AKNA: variants seen among roughly 807,000 people sequenced by gnomAD.
AKNA encodes AT-hook transcription factor.
AKNA carries 67 observed loss-of-function variants against 138.8 expected under a neutral mutation model. That is an observed-to-expected ratio of 0.48 (90% CI 0.40 to 0.59). The LOEUF is 0.59. Among genes scored for constraint, AKNA ranks in the 20% least tolerant of loss-of-function variants. AKNA has a pLI of 0.00. For synonymous variants in AKNA, 737 were observed against 754.4 expected (o/e 0.98, Z 0.38); for missense variants, 1,813 against 1,880.4 (o/e 0.96, Z 0.66).
At position 114,359,934 on chromosome 9, in the gene AKNA, C is replaced by T; in HGVS notation, c.2253G>A (p.Glu751=). Residue 751 remains glutamate (E), a synonymous_variant, in exon 10 of 22, where the codon GAG becomes GAA. Transcript: ENST00000374088. ...CATGGTAAACTTGCTCCATCTGCAGCTCCTTGTGCCTGAGTCGGGCCAGGG... is the reference window on the plus strand; with the variant it reads ...CATGGTAAACTTGCTCCATCTGCAGTTCCTTGTGCCTGAGTCGGGCCAGGG... ...QDPLARLRHK[E]LQMEQVYHGL... The T allele has an allele frequency of 6.2e-7, 1 of 1,614,216 alleles. No individual in the cohort carries two copies. Among genetic ancestry groups the T allele is most frequent in the Non-Finnish European group, 8.5e-7 (1 of 1,180,028 alleles).
chr9:114,352,791 C>T (rs1251152832), intron 14 of AKNA, among the ~76,000 whole-genome samples: 2 of 151,910 alleles, frequency 1.3e-5, no homozygotes, highest in Non-Finnish European at 2.9e-5. Context: ...CGTGGTGGCG[C>T]GTGCCTATAA....
At position 114,354,869 on chromosome 9, in the gene AKNA, C is replaced by CTTT. The variant is rs951126529; in HGVS notation, c.3058+1053_3058+1055dup. Among the ~76,000 whole-genome samples, 140 of 133,710 alleles carry CTTT rather than the reference C, an allele frequency of 1.0e-3. 5 individuals carry two copies. The South Asian group carries it at 0.027, about 26-fold the overall frequency. 87.7% of individuals were successfully genotyped at this position (133,710 alleles called of 152,430 possible). A position where few individuals can be genotyped will look rare whatever the true frequency, so the allele number is the denominator to read the frequency against. ...ACATAATCGTAGGTGCTATACGGTACTTTTTTTTTTTTTTTTTGAGACAGA... is the reference window on the plus strand; with the variant it reads ...ACATAATCGTAGGTGCTATACGGTACTTTTTTTTTTTTTTTTTTTTGAGACAGA... On this transcript the variant is annotated intron_variant, in intron 14 of 21. Transcript: ENST00000374088.
chr9:114,352,058 AC>A (rs1169006879), intron 14 of AKNA, among the ~76,000 whole-genome samples: 1 of 152,188 alleles, frequency 6.6e-6, no homozygotes, highest in Non-Finnish European at 1.5e-5. Context: ...ATTAGTGCTT[AC>A]CAGGGGTTAA....
intron 9 of AKNA, 29 bp downstream of exon 9, chr9:114,361,675 C>T: frequency 6.2e-7 from 1 of 1,610,082 alleles, no homozygotes; most frequent in Non-Finnish European, 8.5e-7. Context: ...CACGAGGGAA[C>T]AGCCCAATAT....
intron 21 of AKNA, among the ~76,000 whole-genome samples, chr9:114,339,780 C>G (rs191718561): frequency 1.3e-5 from 2 of 152,320 alleles, no homozygotes; most frequent in Non-Finnish European, 2.9e-5. Context: ...CTTGCTTAGA[C>G]TCAGCTGAGA....
upstream of AKNA, chr9:114,388,007 A>C: frequency 2.8e-6 from 1 of 360,654 alleles, no homozygotes; most frequent in Non-Finnish European, 6.0e-6. Context: ...CTGCTCACAG[A>C]CCAGCATCGC....
chr9:114,383,438 G>C (rs73656096), intron 1 of AKNA, among the ~76,000 whole-genome samples: 8,193 of 152,300 alleles, frequency 0.054, 741 homozygotes, highest in African/African-American at 0.19. Context: ...CCCTGCCATG[G>C]AGGGTTCAGA....
chr9:114,335,984 C>T lies in AKNA; in HGVS notation c.*1070G>A, dbSNP rs552860450. The T allele has an allele frequency of 6.6e-6, 1 of 152,258 alleles. No homozygotes were observed. Among genetic ancestry groups the T allele is most frequent in the East Asian group, 1.9e-4 (1 of 5,164 alleles). 9.4% of individuals were successfully genotyped at this position (152,258 alleles called of 1,614,324 possible). Reference sequence around the variant, plus strand: ...TTCTGAGATAGGCAAAGGGGGAAAACTGGAGAAACAGAAGCCACCAGAGGG... The same window carrying T: ...TTCTGAGATAGGCAAAGGGGGAAAATTGGAGAAACAGAAGCCACCAGAGGG... On this transcript the variant is annotated 3_prime_UTR_variant, in exon 22 of 22. Coordinates refer to ENST00000374088, the MANE Select transcript of AKNA (RefSeq NM_001317950.2).
intron 4 of AKNA, among the ~76,000 whole-genome samples, chr9:114,373,241 C>T (rs1246530255): frequency 6.6e-6 from 1 of 152,220 alleles, no homozygotes; most frequent in East Asian, 1.9e-4. Flanking sequence ...TCCTGCCTCA[C>T]TCAGAAAAGA....
At chr9:114,376,378 C>G in intron 3 of AKNA, 88 bp downstream of exon 3, 1 of 1,405,586 alleles carries the variant, frequency 7.1e-7, no homozygotes, top group Non-Finnish European at 9.9e-7. Flanking sequence ...CAGCCAGCCT[C>G]TACTCCAGGC....
At position 114,342,009 on chromosome 9, in the gene AKNA, C is replaced by T; in HGVS notation, c.3874G>A (p.Gly1292Arg). The change falls in exon 20 of 22, where the codon GGG becomes AGG. Residue 1292 changes from glycine (G) to arginine (R), a missense_variant and splice_region_variant. Physicochemically the swap from Gly to Arg is moderately radical, Grantham distance 125. Coordinates refer to ENST00000374088, the MANE Select transcript of AKNA (RefSeq NM_001317950.2). Reference sequence around the variant, plus strand: ...GAGAAGAAACAGTATTTGTCCCTACCAGAGGTGGCTGAGCCTGGACCATCT... The same window carrying T: ...GAGAAGAAACAGTATTTGTCCCTACTAGAGGTGGCTGAGCCTGGACCATCT... ...EADGPGSATS[G>R]AEKATTRRKA... 2.5e-6 allele frequency: 4 copies of T among 1,612,022 alleles called. No individual in the cohort carries two copies. Among genetic ancestry groups the T allele is most frequent in the Non-Finnish European group, 3.4e-6 (4 of 1,178,124 alleles).
chr9:114,371,005 G>C (rs1832732947), intron 4 of AKNA, among the ~76,000 whole-genome samples: 1 of 152,178 alleles, frequency 6.6e-6, no homozygotes, highest in African/African-American at 2.4e-5. Context: ...AGCTGAGATG[G>C]AGGAACAGGG....
intron 6 of AKNA, among the ~76,000 whole-genome samples, chr9:114,365,560 A>G (rs1019204469): frequency 1.3e-5 from 2 of 152,052 alleles, no homozygotes; most frequent in African/African-American, 4.8e-5. Context: ...TGTATATTAT[A>G]TAATCATATT....
At position 114,360,045 on chromosome 9, in the gene AKNA, G is replaced by A. The variant is rs371911242; in HGVS notation, c.2142C>T (p.Ala714=). 1.7e-5 allele frequency: 28 copies of A among 1,614,172 alleles called. No individual in the cohort carries two copies. The highest frequency in any genetic ancestry group is 1.5e-4 in the South Asian group (14 of 91,086). The change falls in exon 10 of 22, where the codon GCC becomes GCT. Residue 714 remains alanine, a synonymous_variant. Transcript: ENST00000374088. ...TSCPEPATTT[A]AASTGPCPLH... is the part of the protein sequence containing the mutation. Reference sequence around the variant, plus strand: ...ATGGGCAGGGGCCAGTGCTGGCGGCGGCAGTGGTGGTAGCAGGCTGGGGTC... The same window carrying A: ...ATGGGCAGGGGCCAGTGCTGGCGGCAGCAGTGGTGGTAGCAGGCTGGGGTC...
At position 114,361,776 on chromosome 9, in the gene AKNA, G is replaced by A. The variant is rs57108666; in HGVS notation, c.2052C>T (p.Leu684=). ...ALDSTPALPC[L]HQPTHLPAPS... ...GAGCAGGCAGGTGCGTTGGCTGATG[G>A]AGGCAGGGCAGGGCTGGGGTGCTGT... The change falls in exon 9 of 22, where the codon CTC becomes CTT. Residue 684 remains leucine, a synonymous_variant. Transcript: ENST00000374088. The A allele has an allele frequency of 2.3e-3, 3,772 of 1,613,908 alleles. 66 individuals are homozygous for A. In the African/African-American group the frequency reaches 0.043, roughly 19 times the overall value.
At chr9:114,361,086 A>G (rs1831914592) in intron 9 of AKNA, among the ~76,000 whole-genome samples, 1 of 151,776 alleles carries the variant, frequency 6.6e-6, no homozygotes, top group Admixed American at 6.6e-5. Flanking sequence ...CCTACCCACA[A>G]GTCATCTTAT....
At chr9:114,346,625 A>C in intron 17 of AKNA, 44 bp downstream of exon 17, 1 of 1,500,944 alleles carries the variant, frequency 6.7e-7, no homozygotes, top group Non-Finnish European at 9.1e-7. Flanking sequence ...CAACATGCTC[A>C]GACTGTGGCC....
intron 18 of AKNA, chr9:114,344,589 C>T (rs949930143): frequency 1.3e-5 from 2 of 152,126 alleles, no homozygotes; most frequent in African/African-American, 4.8e-5. Context: ...ATTTTCCCGA[C>T]GCGACAGATG....
chr9:114,388,049 A>C, upstream of AKNA: 1 of 265,926 alleles, frequency 3.8e-6, no homozygotes. Flanking sequence ...GCCGTGGTTG[A>C]GGCCGCCTCG....
Sources: allele counts gnomAD v4.1 joint callset (sites outside exome capture counted in the v4.1 genomes callset), GRCh38; gene constraint gnomAD v4.1.1; transcripts MANE v1.5; gene names NCBI Gene and HGNC (gene_info 2026-07-23, HGNC 2026-07-21).